The following F8 variants were observed in gnomAD, a reference collection of about 807,000 sequenced individuals.
F8 encodes antihemophilic factor.
F8 carries 12 observed loss-of-function variants against 140.6 expected under a neutral mutation model. That is an observed-to-expected ratio of 0.09 (90% CI 0.05 to 0.14). The LOEUF (loss-of-function observed/expected upper bound fraction) is 0.14, where lower values mean the gene tolerates loss of function less well. Ranked by LOEUF, F8 falls within the 10% of genes least tolerant of loss-of-function variation. The pLI, the probability that F8 is intolerant of heterozygous loss-of-function variation, is 1.00. For synonymous variants in F8, 585 were observed against 614.6 expected (o/e 0.95, Z 0.71); for missense variants, 1,354 against 1,720.7 (o/e 0.79, Z 3.77).
At chrX:154,903,340 T>C (rs925390150) in intron 18 of F8, among the ~76,000 whole-genome samples, 41 of 111,043 alleles carry the variant, frequency 3.7e-4, no homozygotes, top group African/African-American at 1.3e-3. Flanking sequence ...ATATACCACA[T>C]GTCTGGCTAA....
chrX:154,960,993 CA>C, intron 10 of F8, 81 bp downstream of exon 10: 2 of 671,260 alleles, frequency 3.0e-6, no homozygotes, highest in Non-Finnish European at 4.9e-6. Context: ...AAAGGACCAA[CA>C]TAATTTTAGT....
chrX:155,002,542 C>T (rs2073651874), intron 1 of F8, among the ~76,000 whole-genome samples: 2 of 109,955 alleles, frequency 1.8e-5, no homozygotes, highest in South Asian at 7.9e-4. Flanking sequence ...TCTTCTCCTG[C>T]CCTTGGACAT....
At chrX:154,849,812 G>T (rs1254206788) in intron 25 of F8, among the ~76,000 whole-genome samples, 1 of 109,985 alleles carries the variant, frequency 9.1e-6, no homozygotes, top group Non-Finnish European at 1.9e-5. Context: ...ACCATTTTGG[G>T]AGTCTTACAT....
chrX:154,939,012 C>T (rs892174658), intron 13 of F8, among the ~76,000 whole-genome samples: 2 of 110,922 alleles, frequency 1.8e-5, no homozygotes, highest in South Asian at 3.8e-4. Flanking sequence ...AATGAAGTCA[C>T]GTTGTTTGAA....
At chrX:154,994,433 C>A (rs781987521) in intron 3 of F8, among the ~76,000 whole-genome samples, 6 of 112,148 alleles carry the variant, frequency 5.4e-5, no homozygotes, top group Non-Finnish European at 1.1e-4. Flanking sequence ...TCCTTTGTAG[C>A]TAGTTGGTCC....
intron 13 of F8, among the ~76,000 whole-genome samples, chrX:154,934,859 T>C (rs782721455): frequency 9.0e-6 from 1 of 111,163 alleles, no homozygotes; most frequent in Non-Finnish European, 1.9e-5. Flanking sequence ...TACTACAAGA[T>C]AAAAGGAAGA....
intron 25 of F8, among the ~76,000 whole-genome samples, chrX:154,856,889 T>C (rs2072655144): frequency 8.9e-6 from 1 of 112,171 alleles, no homozygotes; most frequent in East Asian, 2.8e-4. Flanking sequence ...GTCACTGTGG[T>C]CCACCAGTCA....
chrX:154,918,692 A>G (rs2073112435), intron 14 of F8: 1 of 106,682 alleles, frequency 9.4e-6, no homozygotes, highest in African/African-American at 3.4e-5. Context: ...TCCTGGTGAT[A>G]AGCTAGACAC....
At chrX:154,935,930 A>T (rs1173899197) in intron 13 of F8, among the ~76,000 whole-genome samples, 1 of 108,054 alleles carries the variant, frequency 9.3e-6, no homozygotes, top group Non-Finnish European at 1.9e-5. Flanking sequence ...ATATTTTTCA[A>T]AATTAATGAT....
intron 25 of F8, among the ~76,000 whole-genome samples, chrX:154,843,043 G>A (rs1352402981): frequency 7.2e-5 from 8 of 111,547 alleles, no homozygotes; most frequent in African/African-American, 1.3e-4. Context: ...GAGAACATGC[G>A]GTGTTTGGTT....
Position 154,929,405 on chromosome X carries a change from A to C in F8, c.4385T>G (p.Leu1462Arg). Residue 1462 changes from leucine (L) to arginine (R), a missense_variant, in exon 14 of 26, where the codon CTT (leucine) becomes CGT (arginine). Physicochemically the swap from Leu to Arg is moderately radical, Grantham distance 102. Transcript: ENST00000360256. ...CTCCAAGGTTAGAATGGCTAAAGAA[A>C]GGTTATTTTTTTTGGCTCCTTGTAA... ...HFLQGAKKNN[L>R]SLAILTLEMT... 1 of 1,211,616 alleles carries C rather than the reference A, an allele frequency of 8.3e-7. No homozygotes were observed. Among genetic ancestry groups the C allele is most frequent in the Non-Finnish European group, 1.1e-6 (1 of 895,438 alleles).
intron 25 of F8, among the ~76,000 whole-genome samples, chrX:154,855,941 G>A (rs1025518416): frequency 4.5e-5 from 5 of 111,484 alleles, no homozygotes; most frequent in African/African-American, 9.8e-5. Flanking sequence ...GTGAGATAAC[G>A]GTGGAAGGCA....
At chrX:154,851,715 A>G (rs1168237158) in intron 25 of F8, among the ~76,000 whole-genome samples, 1 of 110,807 alleles carries the variant, frequency 9.0e-6, no homozygotes, top group Non-Finnish European at 1.9e-5. Flanking sequence ...TTCTTTGGAG[A>G]AGTTCCATTG....
chrX:154,989,291 A>T (rs1327943086), intron 4 of F8, among the ~76,000 whole-genome samples: 9 of 111,989 alleles, frequency 8.0e-5, no homozygotes, highest in African/African-American at 2.6e-4. Context: ...GTATAGGTCT[A>T]TAACTTTTAA....
In F8 at chrX:154,837,643, G is replaced by A; in HGVS notation, c.7010C>T (p.Ala2337Val). 2 of 1,209,473 alleles carry A rather than the reference G, an allele frequency of 1.7e-6. No homozygotes were observed. The highest frequency in any genetic ancestry group is 2.3e-4 in the Middle Eastern group (1 of 4,344). ...IHPQSWVHQI[A>V]LRMEVLGCEA... ...GCAGCCCAGAACCTCCATCCTCAGGGCAATCTGGTGCACCCAACTCTGGGG... is the reference window on the plus strand; with the variant it reads ...GCAGCCCAGAACCTCCATCCTCAGGACAATCTGGTGCACCCAACTCTGGGG... Residue 2337 changes from alanine (A) to valine (V), a missense_variant, in exon 26 of 26, where the codon GCC becomes GTC. Coordinates refer to ENST00000360256, the MANE Select transcript of F8 (RefSeq NM_000132.4).
At chrX:154,871,706 T>A (rs1378262921) in intron 22 of F8, among the ~76,000 whole-genome samples, 2 of 112,076 alleles carry the variant, frequency 1.8e-5, no homozygotes, top group Admixed American at 1.9e-4. Flanking sequence ...GGAGATCTAA[T>A]TAAACTAAAG....
At chrX:155,022,004 C>T (rs1198173035) in intron 1 of F8, among the ~76,000 whole-genome samples, 1 of 111,822 alleles carries the variant, frequency 8.9e-6, no homozygotes, top group Non-Finnish European at 1.9e-5. Context: ...ACACACATTG[C>T]ATGTACACAC....
chrX:154,933,570 T>C (rs781918310), intron 13 of F8, among the ~76,000 whole-genome samples: 48 of 112,380 alleles, frequency 4.3e-4, no homozygotes, highest in African/African-American at 1.5e-3. Context: ...AAGCCACTTA[T>C]CCTCTCGGCT....
intron 25 of F8, among the ~76,000 whole-genome samples, chrX:154,859,269 C>T (rs2072671169): frequency 9.1e-6 from 1 of 110,303 alleles, no homozygotes; most frequent in African/African-American, 3.3e-5. Context: ...TAATATCTAT[C>T]CTTTTATGTC....
Sources: allele counts gnomAD v4.1 joint callset (sites outside exome capture counted in the v4.1 genomes callset), GRCh38; gene constraint gnomAD v4.1.1; transcripts MANE v1.5; gene names NCBI Gene and HGNC (gene_info 2026-07-23, HGNC 2026-07-21).